Variants in PDE3B observed in about 807,000 individuals in gnomAD.
PDE3B encodes cGMP-inhibited 3',5'-cyclic phosphodiesterase 3B.
A neutral mutation model predicts 116.8 loss-of-function variants in PDE3B; 66 were observed. That is an observed-to-expected ratio of 0.56 (90% CI 0.46 to 0.69). The LOEUF (loss-of-function observed/expected upper bound fraction) is 0.69. Among genes scored for constraint, PDE3B ranks in the 30% least tolerant of loss-of-function variants. The probability of loss-of-function intolerance (pLI) is 0.00; values close to 1 mark genes in which losing one functional copy is unlikely to be tolerated. For synonymous variants in PDE3B, 595 were observed against 533.6 expected (o/e 1.12, Z -1.59); for missense variants, 1,384 against 1,368.1 (o/e 1.01, Z -0.18).
intron 1 of PDE3B, among the ~76,000 whole-genome samples, chr11:14,653,805 C>T (rs1200100033): frequency 6.6e-6 from 1 of 151,972 alleles, no homozygotes; most frequent in African/African-American, 2.4e-5. Flanking sequence ...TCGAGACCAG[C>T]CTGGGCAACA....
intron 2 of PDE3B, among the ~76,000 whole-genome samples, chr11:14,779,698 C>G (rs2133907246): frequency 6.6e-6 from 1 of 152,308 alleles, no homozygotes; most frequent in South Asian, 2.1e-4. Context: ...CAACTGCTAC[C>G]AGCCACTGCA....
chr11:14,815,368 G>T (rs1361755283), intron 5 of PDE3B, among the ~76,000 whole-genome samples: 1 of 152,110 alleles, frequency 6.6e-6, no homozygotes, highest in East Asian at 1.9e-4. Context: ...GCTCTACCTT[G>T]TTCTCATCTG....
intron 1 of PDE3B, among the ~76,000 whole-genome samples, chr11:14,767,540 A>G (rs1263508897): frequency 1.3e-5 from 2 of 151,492 alleles, no homozygotes; most frequent in East Asian, 3.9e-4. Flanking sequence ...GGGGAGTATA[A>G]TGCAACACAA....
In PDE3B at chr11:14,647,039, A is replaced by G. The variant is rs143329487; in HGVS notation, c.978+1986A>G. ...GGGTATTTTTAACTTAGCAGATACT[A>G]TCATAACAAGAATGTTTATTTATGC... On this transcript the variant is annotated intron_variant, in intron 1 of 15. Transcript: ENST00000282096. 2.7e-3 allele frequency among the ~76,000 whole-genome samples: 417 copies of G among 152,196 alleles called. 1 individual carries two copies. The highest frequency in any genetic ancestry group is 6.5e-3 in the African/African-American group (269 of 41,544).
intron 1 of PDE3B, among the ~76,000 whole-genome samples, chr11:14,725,161 A>G (rs1286639722): frequency 6.6e-6 from 1 of 152,104 alleles, no homozygotes; most frequent in Non-Finnish European, 1.5e-5. Context: ...ATCCAAATCC[A>G]AGTGATTAAT....
intron 1 of PDE3B, among the ~76,000 whole-genome samples, chr11:14,680,524 G>C (rs1355586679): frequency 3.9e-5 from 6 of 152,180 alleles, no homozygotes; most frequent in Non-Finnish European, 7.3e-5. Context: ...GAACCGGCAA[G>C]TTTGTATTGC....
intron 1 of PDE3B, among the ~76,000 whole-genome samples, chr11:14,711,611 T>C (rs904146409): frequency 2.0e-5 from 3 of 152,018 alleles, no homozygotes; most frequent in African/African-American, 7.2e-5. Flanking sequence ...GCAACAATCA[T>C]ATCTCAAGAG....
intron 1 of PDE3B, among the ~76,000 whole-genome samples, chr11:14,665,730 A>T (rs989211023): frequency 1.3e-5 from 2 of 152,192 alleles, no homozygotes; most frequent in Non-Finnish European, 2.9e-5. Flanking sequence ...TACAAAGGAC[A>T]TGAAGGATCT....
chr11:14,859,740 G>A (rs1453771917), intron 13 of PDE3B, among the ~76,000 whole-genome samples: 2 of 151,786 alleles, frequency 1.3e-5, no homozygotes, highest in Admixed American at 1.3e-4. Context: ...TCTTCTACTT[G>A]AGAATAATTC....
chr11:14,763,459 A>C (rs2133889673), intron 1 of PDE3B, among the ~76,000 whole-genome samples: 1 of 152,194 alleles, frequency 6.6e-6, no homozygotes, highest in Middle Eastern at 3.4e-3. Flanking sequence ...CAGAGAAATG[A>C]GATAGTGGCC....
the PDE3B span, among the ~76,000 whole-genome samples, chr11:14,882,281 T>C: frequency 2.0e-5 from 3 of 152,046 alleles, no homozygotes; most frequent in African/African-American, 7.3e-5. Context: ...AAATAAATTA[T>C]ACAGCACGTA....
chr11:14,762,031 G>A (rs1311695684), intron 1 of PDE3B, among the ~76,000 whole-genome samples: 1 of 152,058 alleles, frequency 6.6e-6, no homozygotes, highest in Non-Finnish European at 1.5e-5. Context: ...AGTCAGCTGG[G>A]TGTGGTGGTT....
At chr11:14,704,180 T>G (rs1013996937) in intron 1 of PDE3B, among the ~76,000 whole-genome samples, 2 of 151,778 alleles carry the variant, frequency 1.3e-5, no homozygotes, top group Non-Finnish European at 3.0e-5. Context: ...TAGTCTCAGA[T>G]ATCTTTAATT....
chr11:14,812,398 G>A (rs1002614012), intron 5 of PDE3B, among the ~76,000 whole-genome samples: 4 of 152,054 alleles, frequency 2.6e-5, no homozygotes, highest in Non-Finnish European at 5.9e-5. Context: ...AGAAGAAAAA[G>A]CAATGAAAAT....
At chr11:14,851,048 C>T (rs955681397) in intron 12 of PDE3B, among the ~76,000 whole-genome samples, 1 of 143,314 alleles carries the variant, frequency 7.0e-6, no homozygotes, top group Admixed American at 7.2e-5. Flanking sequence ...TGGTCTCGAT[C>T]TCTTGACCTC....
chr11:14,695,533 A>G (rs1470069289), intron 1 of PDE3B, among the ~76,000 whole-genome samples: 1 of 152,038 alleles, frequency 6.6e-6, no homozygotes, highest in Admixed American at 6.6e-5. Flanking sequence ...TATTTTTTTT[A>G]AGTTCTGGGG....
intron 1 of PDE3B, among the ~76,000 whole-genome samples, chr11:14,669,956 T>A (rs907287641): frequency 6.6e-6 from 1 of 152,214 alleles, no homozygotes; most frequent in Non-Finnish European, 1.5e-5. Flanking sequence ...ATATTGCATA[T>A]CCTCTTATTT....
At position 14,861,344 on chromosome 11, in the gene PDE3B, T is replaced by C; in HGVS notation, c.2864T>C (p.Ile955Thr). ...RDLHLKWTEG[I>T]VNEFYEQGDE... is the part of the protein sequence containing the mutation. ...TTGCATTTGAAATGGACAGAAGGCA[T>C]TGTCAATGAATTTTATGAGCAGGTA... is the stretch of plus-strand genomic sequence containing the variant. The change falls in exon 14 of 16, where the codon ATT (isoleucine) becomes ACT (threonine). Residue 955 changes from isoleucine (I) to threonine (T), a missense_variant. Coordinates refer to ENST00000282096, the MANE Select transcript of PDE3B (RefSeq NM_000922.4). 4.3e-6 allele frequency: 7 copies of C among 1,613,612 alleles called. No homozygotes were observed. The highest frequency in any genetic ancestry group is 5.9e-6 in the Non-Finnish European group (7 of 1,179,676).
At chr11:14,898,872 T>C in the PDE3B span, among the ~76,000 whole-genome samples, 1 of 152,142 alleles carries the variant, frequency 6.6e-6, no homozygotes, top group South Asian at 2.1e-4. Context: ...CTAAACACTA[T>C]AACTTAGCCT....
Sources: allele counts gnomAD v4.1 joint callset (sites outside exome capture counted in the v4.1 genomes callset), GRCh38; gene constraint gnomAD v4.1.1; transcripts MANE v1.5; gene names NCBI Gene and HGNC (gene_info 2026-07-23, HGNC 2026-07-21).